Variants in SYNE2 observed in about 807,000 individuals in gnomAD.
SYNE2 encodes nesprin-2.
A neutral mutation model predicts 856.3 loss-of-function variants in SYNE2; 431 were observed. The ratio of observed to expected loss-of-function variants is 0.50; its 90% CI spans 0.47 to 0.55. The LOEUF is 0.55. Ranked by LOEUF, SYNE2 falls within the 20% of genes least tolerant of loss-of-function variation. The pLI is 0.00. For synonymous variants in SYNE2, 2,923 were observed against 2,872.3 expected (o/e 1.02, Z -0.56); for missense variants, 8,129 against 8,023.2 (o/e 1.01, Z -0.50).
chr14:63,790,248 C>T (rs1441841327), intron 1 of SYNE2, among the ~76,000 whole-genome samples: 1 of 151,908 alleles, frequency 6.6e-6, no homozygotes, highest in Admixed American at 6.6e-5. Flanking sequence ...GGGGGGATCA[C>T]CTGAGCCTGG....
chr14:63,813,659 C>T (rs1888705345), intron 1 of SYNE2, among the ~76,000 whole-genome samples: 1 of 152,034 alleles, frequency 6.6e-6, no homozygotes, highest in African/African-American at 2.4e-5. Context: ...TGTGGTGGCT[C>T]ATGCCTGTAA....
intron 47 of SYNE2, among the ~76,000 whole-genome samples, chr14:64,050,816 C>T (rs763955712): frequency 2.0e-5 from 3 of 151,892 alleles, no homozygotes; most frequent in Non-Finnish European, 2.9e-5. Flanking sequence ...GTCAGGAATT[C>T]GAGACCAGCT....
chr14:64,215,346 C>G lies in SYNE2; in HGVS notation c.19394C>G (p.Ala6465Gly). 6.2e-7 allele frequency: 1 copy of G among 1,614,054 alleles called. No homozygotes were observed. Among genetic ancestry groups the G allele is most frequent in the Non-Finnish European group, 8.5e-7 (1 of 1,180,006 alleles). ...YLKMTTKTLK[A>G]SSGKSISDGH... Reference sequence around the variant, plus strand: ...AAAATGACCACAAAAACTTTGAAAGCGTCTTCTGGTAGGCCCCCGCCCATG... The same window carrying G: ...AAAATGACCACAAAAACTTTGAAAGGGTCTTCTGGTAGGCCCCCGCCCATG... The change falls in exon 107 of 116, where the codon GCG (alanine) becomes GGG (glycine). Residue 6465 changes from alanine (A) to glycine (G), a missense_variant. By Grantham distance (60) the Ala-to-Gly change is moderately conservative. Coordinates refer to ENST00000555002, the MANE Select transcript of SYNE2 (RefSeq NM_182914.3).
At chr14:64,147,988 A>G (rs1567461124) in intron 84 of SYNE2, among the ~76,000 whole-genome samples, 1 of 152,076 alleles carries the variant, frequency 6.6e-6, no homozygotes, top group South Asian at 2.1e-4. Context: ...ACTAGTGAGA[A>G]CCCATTTCTA....
chr14:64,114,615 A>G (rs1347974233), intron 66 of SYNE2, among the ~76,000 whole-genome samples: 1 of 151,764 alleles, frequency 6.6e-6, no homozygotes, highest in Non-Finnish European at 1.5e-5. Flanking sequence ...TCTGATCTCA[A>G]AAGTCAGTTC....
chr14:64,024,220 GC>G, intron 38 of SYNE2, 36 bp from the exon 39 acceptor site: 1 of 1,602,122 alleles, frequency 6.2e-7, no homozygotes, highest in Non-Finnish European at 8.5e-7. Context: ...ATTCAGACTT[GC>G]CAGGAGATTG....
At chr14:63,980,489 T>G (rs1555410352) in intron 14 of SYNE2, among the ~76,000 whole-genome samples, 165 bp from the exon 15 acceptor site, 2 of 152,312 alleles carry the variant, frequency 1.3e-5, no homozygotes, top group African/African-American at 2.4e-5. Context: ...GTCTCCTAGA[T>G]TTTCACCATC....
At chr14:64,120,822 T>C in intron 67 of SYNE2, 105 bp from the exon 68 acceptor site, 1 of 1,207,472 alleles carries the variant, frequency 8.3e-7, no homozygotes, top group Non-Finnish European at 1.2e-6. Flanking sequence ...AATACCATCA[T>C]TTATTTCATG....
intron 2 of SYNE2, among the ~76,000 whole-genome samples, chr14:63,934,209 A>G (rs1308697127): frequency 1.3e-5 from 2 of 152,148 alleles, no homozygotes; most frequent in Admixed American, 6.6e-5. Context: ...TGAAGATTTC[A>G]TTTGTGCACT....
At chr14:64,157,093 T>C (rs1021434751) in intron 85 of SYNE2, among the ~76,000 whole-genome samples, 12 of 152,348 alleles carry the variant, frequency 7.9e-5, no homozygotes, top group Admixed American at 2.6e-4. Context: ...TTTTAAAAAT[T>C]GAGATATAAT....
intron 19 of SYNE2, among the ~76,000 whole-genome samples, chr14:63,987,757 TATTTAAAAATTTTTTAAATA>T (rs201903681): frequency 0.017 from 2,607 of 152,092 alleles, 73 homozygotes; most frequent in African/African-American, 0.059. Flanking sequence ...AGAAATTAAA[TATTTAAAAATTTTTTAAATA>T]ATTTAAAAAT....
At chr14:64,171,955 A>G (rs780858676) in intron 94 of SYNE2, among the ~76,000 whole-genome samples, 1 of 152,160 alleles carries the variant, frequency 6.6e-6, no homozygotes, top group Non-Finnish European at 1.5e-5. Context: ...GGTTGAAGCA[A>G]TTCTCGTGTC....
At chr14:63,914,429 G>A (rs1403517504) in intron 2 of SYNE2, among the ~76,000 whole-genome samples, 2 of 152,166 alleles carry the variant, frequency 1.3e-5, no homozygotes, top group Non-Finnish European at 2.9e-5. Context: ...CCTACCTATT[G>A]TGTCTTAAGA....
At chr14:64,159,233 C>G in intron 86 of SYNE2, 79 bp from the exon 87 acceptor site, 1 of 1,574,222 alleles carries the variant, frequency 6.4e-7, no homozygotes, top group Non-Finnish European at 8.7e-7. Context: ...TACATAGTAG[C>G]AAGTGTTGAG....
chr14:64,170,586 GC>G, intron 94 of SYNE2, 124 bp downstream of exon 94: 1 of 1,012,946 alleles, frequency 9.9e-7, no homozygotes. Flanking sequence ...GCAGTGTGAG[GC>G]CAGCAAGGTG....
At chr14:64,120,220 G>T in intron 67 of SYNE2, among the ~76,000 whole-genome samples, 1 of 152,040 alleles carries the variant, frequency 6.6e-6, no homozygotes, top group South Asian at 2.1e-4. Context: ...AGATACATAG[G>T]CCATATGGTT....
intron 1 of SYNE2, among the ~76,000 whole-genome samples, chr14:63,814,197 G>A (rs1888733463): frequency 6.6e-6 from 1 of 151,698 alleles, no homozygotes; most frequent in Non-Finnish European, 1.5e-5. Flanking sequence ...TTGAACCCAG[G>A]CAGCAGAGGT....
intron 1 of SYNE2, among the ~76,000 whole-genome samples, chr14:63,799,418 G>A (rs192922936): frequency 0.011 from 1,538 of 145,584 alleles, 30 homozygotes; most frequent in African/African-American, 0.037. Flanking sequence ...TTTTTTGGCC[G>A]GGCGCGGTGG....
intron 69 of SYNE2, 66 bp from the exon 70 acceptor site, chr14:64,122,220 A>C: frequency 6.2e-7 from 1 of 1,614,026 alleles, no homozygotes; most frequent in Non-Finnish European, 8.5e-7. Flanking sequence ...TGCTCATAGA[A>C]CTGTGAATGT....
Sources: gnomAD v4.1 joint callset for allele counts (sites outside exome capture counted in the v4.1 genomes callset) on GRCh38, gnomAD v4.1.1 for gene constraint, MANE v1.5 for transcripts, NCBI Gene and HGNC (gene_info 2026-07-23, HGNC 2026-07-21) for gene names.